Variants in WDHD1 observed in about 807,000 individuals in gnomAD.
The protein encoded by WDHD1 is WD repeat and HMG-box DNA-binding protein 1.
In WDHD1, 111 loss-of-function variants were observed where a neutral mutation model predicts 135.4. The ratio of observed to expected loss-of-function variants is 0.82; its 90% confidence interval spans 0.70 to 0.96. The LOEUF (loss-of-function observed/expected upper bound fraction) is 0.96, where lower values mean the gene tolerates loss of function less well. Ranked by LOEUF, WDHD1 falls within the 40% of genes least tolerant of loss-of-function variation. WDHD1 has a pLI of 0.00. For missense variants in WDHD1, 1,351 were observed against 1,336.3 expected, an observed-to-expected ratio of 1.01 and a Z score of -0.17; for synonymous variants, 434 against 439.0, an observed-to-expected ratio of 0.99 and a Z score of 0.14.
At position 55,000,647 on chromosome 14, in the gene WDHD1, A is replaced by T. The variant is rs1325376019; in HGVS notation, c.801-3T>A. 6.5e-7 allele frequency: 1 copy of T among 1,532,830 alleles called. No homozygotes were observed. The highest frequency in any genetic ancestry group is 8.8e-7 in the Non-Finnish European group (1 of 1,140,696). 95.0% of individuals were successfully genotyped at this position (1,532,830 alleles called of 1,614,324 possible). A position where few individuals can be genotyped will look rare whatever the true frequency, so the allele number is the denominator to read the frequency against. ...CATAACCTTTCTCATGTTTCACCCT[A>T]AAAATTAAAAAGTAGGTTCTAAAAA... On this transcript the variant is annotated splice_polypyrimidine_tract_variant and splice_region_variant and intron_variant, in intron 9 of 25. Transcript: ENST00000360586.
intron 16 of WDHD1, among the ~76,000 whole-genome samples, chr14:54,975,745 G>A (rs989389485): frequency 1.3e-5 from 2 of 151,824 alleles, no homozygotes; most frequent in African/African-American, 4.8e-5. Flanking sequence ...TGCCCAGGCT[G>A]TCTGCAAACT....
chr14:55,026,849 A>G, intron 1 of WDHD1, 46 bp from the exon 2 acceptor site: 1 of 1,592,050 alleles, frequency 6.3e-7, no homozygotes, highest in Non-Finnish European at 8.6e-7. Flanking sequence ...CAAAAGAGAA[A>G]AGCAGCGAGG....
intron 10 of WDHD1, among the ~76,000 whole-genome samples, chr14:55,000,200 AG>A (rs145757396): frequency 0.036 from 5,524 of 152,264 alleles, 113 homozygotes; most frequent in African/African-American, 0.046. Flanking sequence ...CTAAGAGTTA[AG>A]GCTAATTCAG....
At chr14:54,955,920 C>T (rs1270192421) in intron 23 of WDHD1, among the ~76,000 whole-genome samples, 9 of 108,948 alleles carry the variant, frequency 8.3e-5, no homozygotes, top group African/African-American at 2.2e-4. Flanking sequence ...TTTTTTGAGA[C>T]GGAGTCTCAC....
intron 3 of WDHD1, among the ~76,000 whole-genome samples, chr14:55,010,873 C>A (rs1305877335): frequency 6.6e-6 from 1 of 152,240 alleles, no homozygotes; most frequent in Non-Finnish European, 1.5e-5. Flanking sequence ...CAACAAAAGA[C>A]ACATCACATG....
In WDHD1 at chr14:55,002,142, CT is replaced by C. The variant is rs1309933032; in HGVS notation, c.643del (p.Arg215GlufsTer21). ...ATCAAATTGATGACTCCAAGATTCT[CT>C]TCTATATAGCTTAACAGATTTTTCC... Reference protein sequence around the residue: ...PVEKSVKLYRRESWSHQFDLS... With the variant: ...PVEKSVKLYRXESWSHQFDLS... On this transcript the variant is annotated frameshift_variant, in exon 8 of 26. Coordinates refer to ENST00000360586, the MANE Select transcript of WDHD1 (RefSeq NM_007086.4). LOFTEE classifies it high-confidence loss of function. The C allele has an allele frequency of 6.2e-7, 1 of 1,606,982 alleles. No individual in the cohort carries two copies. Among genetic ancestry groups the C allele is most frequent in the African/African-American group, 1.3e-5 (1 of 74,504 alleles).
intron 16 of WDHD1, among the ~76,000 whole-genome samples, chr14:54,968,780 C>T (rs1442255239): frequency 1.3e-5 from 2 of 152,108 alleles, no homozygotes; most frequent in Non-Finnish European, 2.9e-5. Flanking sequence ...TGGGCTCACA[C>T]CTGTAATCCC....
intron 16 of WDHD1, among the ~76,000 whole-genome samples, chr14:54,978,976 T>A (rs1394330921): frequency 6.6e-6 from 1 of 152,210 alleles, no homozygotes; most frequent in Non-Finnish European, 1.5e-5. Flanking sequence ...GCTACTACTT[T>A]TTTTTCTTTT....
chr14:54,984,716 A>G lies in WDHD1; in HGVS notation c.1906+7T>C. 2.5e-6 allele frequency: 4 copies of G among 1,594,704 alleles called. No individual in the cohort carries two copies. Among genetic ancestry groups the G allele is most frequent in the Non-Finnish European group, 2.6e-6 (3 of 1,174,960 alleles). ...ATACTTGTTTTTTTTAAACAAATTTATCTTGCCTTCAGCTGAAAACCCAAT... is the reference window on the plus strand; with the variant it reads ...ATACTTGTTTTTTTTAAACAAATTTGTCTTGCCTTCAGCTGAAAACCCAAT... On this transcript the variant is annotated splice_region_variant and intron_variant, in intron 15 of 25. Coordinates refer to ENST00000360586, the MANE Select transcript of WDHD1 (RefSeq NM_007086.4).
intron 21 of WDHD1, among the ~76,000 whole-genome samples, chr14:54,961,569 C>T (rs2041252384): frequency 6.6e-6 from 1 of 152,192 alleles, no homozygotes; most frequent in Non-Finnish European, 1.5e-5. Flanking sequence ...TCCTTCAGGT[C>T]TCTGCTGTAA....
At chr14:55,001,134 G>T in intron 8 of WDHD1, 142 bp from the exon 9 acceptor site, 8 of 426,616 alleles carry the variant, frequency 1.9e-5, no homozygotes, top group African/African-American at 2.1e-5. Context: ...TTATATCCCT[G>T]TTCTATATTA....
At chr14:54,993,866 G>A (rs941070445) in intron 11 of WDHD1, among the ~76,000 whole-genome samples, 2 of 151,910 alleles carry the variant, frequency 1.3e-5, no homozygotes, top group African/African-American at 2.4e-5. Context: ...TGTAAATGAC[G>A]ATAGCCGTAA....
chr14:55,005,955 C>G (rs778548364), intron 7 of WDHD1, among the ~76,000 whole-genome samples: 25 of 152,072 alleles, frequency 1.6e-4, no homozygotes, highest in Non-Finnish European at 3.4e-4. Context: ...GCCTTAATCT[C>G]CTGGGCTCAA....
intron 24 of WDHD1, among the ~76,000 whole-genome samples, chr14:54,952,845 G>C (rs2041084169): frequency 6.6e-6 from 1 of 152,098 alleles, no homozygotes; most frequent in Non-Finnish European, 1.5e-5. Flanking sequence ...TCTGATCTTT[G>C]ACAAACATGA....
Position 54,962,860 on chromosome 14 carries a change from G to C in WDHD1, c.2532-7C>G. On this transcript the variant is annotated splice_region_variant and splice_polypyrimidine_tract_variant and intron_variant, in intron 19 of 25. Transcript: ENST00000360586. The stretch of plus-strand genomic sequence containing the variant: ...TGTAGCAGTATTGCTGTAACTAAGA[G>C]AAAATAATATTATTCAATAAAGAGC... 3 of 1,611,464 alleles carry C rather than the reference G, an allele frequency of 1.9e-6. No homozygotes were observed. The highest frequency in any genetic ancestry group is 2.5e-6 in the Non-Finnish European group (3 of 1,179,790).
At chr14:54,984,450 A>G (rs886171517) in intron 15 of WDHD1, among the ~76,000 whole-genome samples, 1 of 152,156 alleles carries the variant, frequency 6.6e-6, no homozygotes, top group African/African-American at 2.4e-5. Context: ...AGCCGAGATC[A>G]TGCCACTGCA....
intron 24 of WDHD1, among the ~76,000 whole-genome samples, chr14:54,949,031 T>C (rs550077827): frequency 6.6e-6 from 1 of 151,874 alleles, no homozygotes; most frequent in South Asian, 2.1e-4. Flanking sequence ...CAAAGATAGA[T>C]GAAACCATAA....
chr14:54,956,450 C>T (rs1284929351), intron 23 of WDHD1, among the ~76,000 whole-genome samples: 1 of 152,008 alleles, frequency 6.6e-6, no homozygotes, highest in African/African-American at 2.4e-5. Flanking sequence ...CCAGCCTGGC[C>T]ATCATGCTGA....
chr14:54,973,200 C>T (rs2041469320), intron 16 of WDHD1, among the ~76,000 whole-genome samples: 1 of 152,174 alleles, frequency 6.6e-6, no homozygotes, highest in Non-Finnish European at 1.5e-5. Flanking sequence ...TACTAATAAT[C>T]ATCCACTTAA....
Sources: gnomAD v4.1 joint callset for allele counts (sites outside exome capture counted in the v4.1 genomes callset) on GRCh38, gnomAD v4.1.1 for gene constraint, MANE v1.5 for transcripts, NCBI Gene and HGNC (gene_info 2026-07-23, HGNC 2026-07-21) for gene names.